Variants in RFC1 observed in about 807,000 individuals in gnomAD.
RFC1 encodes the protein A1 140 kDa subunit.
In RFC1, 37 loss-of-function variants were observed where a neutral mutation model predicts 137.4. The ratio of observed to expected loss-of-function variants is 0.27; its 90% CI spans 0.21 to 0.35. RFC1 has a LOEUF of 0.35. RFC1 is among the 10% of genes least tolerant of loss of function. The pLI, the probability that RFC1 is intolerant of heterozygous loss-of-function variation, is 1.00. For missense variants in RFC1, 1,205 were observed against 1,358.5 expected (o/e 0.89, Z 1.78); for synonymous variants, 429 against 455.7 (o/e 0.94, Z 0.75).
intron 1 of RFC1, chr4:39,355,780 G>C (rs1444564917): frequency 6.6e-6 from 1 of 152,142 alleles, no homozygotes; most frequent in Admixed American, 6.6e-5. Flanking sequence ...GAGGTGAGTG[G>C]ATCACGAGGT....
intron 1 of RFC1, among the ~76,000 whole-genome samples, chr4:39,365,153 G>GAAAAAAAAA (rs745527928): frequency 3.4e-4 from 27 of 79,724 alleles, no homozygotes; most frequent in South Asian, 5.7e-4. Context: ...GGGTTGAAAT[G>GAAAAAAAAA]AAAAAAAAAA....
At chr4:39,332,659 C>T (rs1389523673) in intron 4 of RFC1, among the ~76,000 whole-genome samples, 2 of 152,132 alleles carry the variant, frequency 1.3e-5, no homozygotes, top group Admixed American at 6.5e-5. Context: ...CTGTGAATTC[C>T]ACCTACTTTC....
intron 22 of RFC1, among the ~76,000 whole-genome samples, chr4:39,294,958 G>A (rs1004503651): frequency 1.3e-5 from 2 of 151,900 alleles, no homozygotes; most frequent in African/African-American, 2.4e-5. Context: ...AGCAGAGATC[G>A]CATCACTGCA....
intron 3 of RFC1, 40 bp from the exon 4 acceptor site, chr4:39,342,507 A>T: frequency 6.3e-7 from 1 of 1,596,574 alleles, no homozygotes. Flanking sequence ...TTTGAAAAGA[A>T]CTATTATAAT....
chr4:39,337,339 A>C (rs1386920518), intron 4 of RFC1, among the ~76,000 whole-genome samples: 1 of 150,560 alleles, frequency 6.6e-6, no homozygotes, highest in Non-Finnish European at 1.5e-5. Context: ...GCACCATTGC[A>C]CTCCAGCCTA....
chr4:39,301,683 A>C (rs1309849750), intron 19 of RFC1, among the ~76,000 whole-genome samples: 2 of 152,202 alleles, frequency 1.3e-5, no homozygotes, highest in Non-Finnish European at 2.9e-5. Flanking sequence ...GTGGTGGCTC[A>C]CACCTATAAT....
At chr4:39,366,141 C>A in intron 1 of RFC1, 98 bp downstream of exon 1, 1 of 1,335,894 alleles carries the variant, frequency 7.5e-7, no homozygotes, top group South Asian at 1.4e-5. Context: ...CACCCACCGC[C>A]ATCCTCCCCC....
At chr4:39,312,255 C>A (rs970894985) in intron 11 of RFC1, among the ~76,000 whole-genome samples, 4 of 152,190 alleles carry the variant, frequency 2.6e-5, no homozygotes, top group Non-Finnish European at 5.9e-5. Context: ...GGAGGAACCA[C>A]ATCGTTGAGA....
intron 1 of RFC1, chr4:39,356,061 C>CA (rs546517771): frequency 6.7e-6 from 1 of 150,370 alleles, no homozygotes; most frequent in African/African-American, 2.4e-5. Context: ...CCACACTTAC[C>CA]AAAATTTTAA....
intron 15 of RFC1, 96 bp downstream of exon 15, chr4:39,304,718 C>T (rs1375378211): frequency 2.5e-6 from 2 of 787,154 alleles, no homozygotes; most frequent in East Asian, 2.4e-5. Flanking sequence ...TAGTAGGGTG[C>T]TTGGCACACA....
At chr4:39,335,684 T>G (rs1348480731) in intron 4 of RFC1, among the ~76,000 whole-genome samples, 1 of 152,042 alleles carries the variant, frequency 6.6e-6, no homozygotes, top group East Asian at 1.9e-4. Context: ...ACCCAAAGCT[T>G]CTTACAATTC....
chr4:39,363,376 G>T (rs187643130), intron 1 of RFC1, among the ~76,000 whole-genome samples: 1 of 152,096 alleles, frequency 6.6e-6, no homozygotes, highest in South Asian at 2.1e-4. Flanking sequence ...GGCAACAAAT[G>T]TTATCAGTTG....
At chr4:39,295,861 T>A in intron 21 of RFC1, 102 bp from the exon 22 acceptor site, 1 of 1,061,646 alleles carries the variant, frequency 9.4e-7, no homozygotes, top group Non-Finnish European at 1.4e-6. Flanking sequence ...AAAGCAACAC[T>A]GTACCAAATA....
chr4:39,300,768 C>T (rs1738312976), intron 19 of RFC1, among the ~76,000 whole-genome samples: 1 of 152,030 alleles, frequency 6.6e-6, no homozygotes. Flanking sequence ...TATTATTCAA[C>T]ATTAAAAAGA....
In RFC1 at chr4:39,312,930, C is replaced by G; in HGVS notation, c.1205G>C (p.Gly402Ala). ...KALGSKEIPK[G>A]AENCLEGLIF... is the part of the protein sequence containing the mutation. ...AAGGCCTTCCAAGCAATTTTCAGCT[C>G]CCTAAAAACCAAAATGTTCAAGCAG... Residue 402 changes from glycine to alanine, a missense_variant and splice_region_variant, in exon 11 of 25, where the codon GGA (glycine) becomes GCA (alanine). Transcript: ENST00000349703. 2 of 1,590,688 alleles carry G rather than the reference C, an allele frequency of 1.3e-6. No homozygotes were observed. The highest frequency in any genetic ancestry group is 1.7e-6 in the Non-Finnish European group (2 of 1,166,258).
At chr4:39,327,021 A>C (rs17288125) in intron 5 of RFC1, among the ~76,000 whole-genome samples, 100 of 152,312 alleles carry the variant, frequency 6.6e-4, no homozygotes, top group Non-Finnish European at 1.3e-3. Context: ...ACAAACACAC[A>C]CTATGGGGCA....
At chr4:39,350,725 A>C (rs1741140262) in intron 2 of RFC1, among the ~76,000 whole-genome samples, 1 of 152,228 alleles carries the variant, frequency 6.6e-6, no homozygotes, top group African/African-American at 2.4e-5. Context: ...CCTACACTAC[A>C]AAAAATGCTA....
chr4:39,357,658 C>T (rs1344419151), intron 1 of RFC1, among the ~76,000 whole-genome samples: 1 of 151,712 alleles, frequency 6.6e-6, no homozygotes, highest in Non-Finnish European at 1.5e-5. Context: ...GCACTGTCGC[C>T]CAGGCTGGAG....
chr4:39,295,276 A>C (rs886146990), intron 22 of RFC1, among the ~76,000 whole-genome samples: 2 of 152,234 alleles, frequency 1.3e-5, no homozygotes, highest in Non-Finnish European at 2.9e-5. Flanking sequence ...TTTCCTATTA[A>C]TTATTCTGAA....
Sources: allele counts gnomAD v4.1 joint callset (sites outside exome capture counted in the v4.1 genomes callset), GRCh38; gene constraint gnomAD v4.1.1; transcripts MANE v1.5; gene names NCBI Gene and HGNC (gene_info 2026-07-23, HGNC 2026-07-21).